MAN1A1: variants seen among roughly 807,000 people sequenced by gnomAD.
The protein encoded by MAN1A1 is mannosyl-oligosaccharide 1,2-alpha-mannosidase IA.
In MAN1A1, 29 loss-of-function variants were observed where a neutral mutation model predicts 70.8. That is an observed-to-expected ratio of 0.41 (90% CI 0.31 to 0.56). The LOEUF (loss-of-function observed/expected upper bound fraction) is 0.56, where lower values mean the gene tolerates loss of function less well. Among genes scored for constraint, MAN1A1 ranks in the 20% least tolerant of loss-of-function variants. The probability of loss-of-function intolerance (pLI) is 0.29; values close to 1 mark genes in which losing one functional copy is unlikely to be tolerated. For synonymous variants in MAN1A1, 349 were observed against 330.1 expected, an observed-to-expected ratio of 1.06 and a Z score of -0.62; for missense variants, 747 against 841.3, an observed-to-expected ratio of 0.89 and a Z score of 1.39.
intron 6 of MAN1A1, among the ~76,000 whole-genome samples, chr6:119,230,791 T>C (rs746965775): frequency 6.6e-6 from 1 of 152,152 alleles, no homozygotes; most frequent in Non-Finnish European, 1.5e-5. Flanking sequence ...CAAGTGAACA[T>C]ATTACTTTTT....
At chr6:119,221,375 A>G (rs561760149) in intron 6 of MAN1A1, among the ~76,000 whole-genome samples, 1 of 152,104 alleles carries the variant, frequency 6.6e-6, no homozygotes, top group African/African-American at 2.4e-5. Flanking sequence ...TATACTGACA[A>G]ATATGAATAG....
intron 4 of MAN1A1, among the ~76,000 whole-genome samples, chr6:119,291,088 A>G (rs1776529390): frequency 6.6e-6 from 1 of 152,040 alleles, no homozygotes; most frequent in Non-Finnish European, 1.5e-5. Flanking sequence ...TAGCTCACAT[A>G]ATTCACACAT....
At chr6:119,263,489 C>T (rs1173091466) in intron 5 of MAN1A1, among the ~76,000 whole-genome samples, 1 of 152,010 alleles carries the variant, frequency 6.6e-6, no homozygotes, top group Non-Finnish European at 1.5e-5. Context: ...CCACAGACAC[C>T]GGGGCCTTCT....
intron 2 of MAN1A1, chr6:119,327,238 C>G (rs1351813936): frequency 1.3e-5 from 2 of 152,172 alleles, no homozygotes; most frequent in Non-Finnish European, 2.9e-5. Context: ...TTCAGCTGAA[C>G]AGGACTCCAT....
At chr6:119,295,156 C>G (rs1772170819) in intron 4 of MAN1A1, among the ~76,000 whole-genome samples, 1 of 152,136 alleles carries the variant, frequency 6.6e-6, no homozygotes, top group African/African-American at 2.4e-5. Flanking sequence ...CAGGAAGTAT[C>G]TAACCCCATC....
At chr6:119,275,231 C>T (rs1289477408) in intron 5 of MAN1A1, among the ~76,000 whole-genome samples, 1 of 143,764 alleles carries the variant, frequency 7.0e-6, no homozygotes, top group African/African-American at 2.5e-5. Flanking sequence ...CTGCCTCAGC[C>T]TCCTGAGTAG....
chr6:119,187,035 C>T (rs1394826879), intron 11 of MAN1A1, among the ~76,000 whole-genome samples: 1 of 152,158 alleles, frequency 6.6e-6, no homozygotes, highest in Admixed American at 6.5e-5. Flanking sequence ...CATAAACAAG[C>T]AACCCCCTGA....
intron 6 of MAN1A1, among the ~76,000 whole-genome samples, chr6:119,244,141 C>T (rs186983683): frequency 8.3e-4 from 127 of 152,128 alleles, no homozygotes; most frequent in Admixed American, 1.4e-3. Flanking sequence ...TCTACCTAGA[C>T]TTGAATTACC....
rs1773851093 is a variant in MAN1A1, at chr6:119,349,718, G to C, written c.-399C>G. 2.0e-6 allele frequency: 2 copies of C among 985,670 alleles called. No homozygotes were observed. The highest frequency in any genetic ancestry group is 2.4e-6 in the Non-Finnish European group (2 of 830,086). The allele number at this position is 985,670 out of a possible 1,614,324, so 61.1% of individuals were successfully genotyped here. On this transcript the variant is annotated 5_prime_UTR_variant, in exon 1 of 13. Transcript: ENST00000368468. ...CGCCGACCTGCGGGCGAATGGCAGC[G>C]AGTAGAGCAGCACGGTACACTCCGC...
chr6:119,291,976 A>G (rs1270353636), intron 4 of MAN1A1, among the ~76,000 whole-genome samples: 7 of 152,036 alleles, frequency 4.6e-5, no homozygotes, highest in African/African-American at 1.7e-4. Context: ...GCTGAGACTT[A>G]TAGTGGTTAA....
chr6:119,305,226 T>C (rs558252765), intron 3 of MAN1A1, among the ~76,000 whole-genome samples: 2 of 152,330 alleles, frequency 1.3e-5, no homozygotes, highest in East Asian at 3.9e-4. Context: ...ATTTTTAATG[T>C]TCAATAACAA....
chr6:119,313,595 T>C (rs1032672914), intron 2 of MAN1A1, among the ~76,000 whole-genome samples: 2 of 151,214 alleles, frequency 1.3e-5, no homozygotes, highest in Non-Finnish European at 2.9e-5. Flanking sequence ...ATGAGAATTA[T>C]AAATGGGAAT....
At chr6:119,317,294 T>C (rs1403535390) in intron 2 of MAN1A1, among the ~76,000 whole-genome samples, 1 of 152,198 alleles carries the variant, frequency 6.6e-6, no homozygotes, top group African/African-American at 2.4e-5. Flanking sequence ...TAGTGTTGTA[T>C]ATTTCAATGG....
intron 5 of MAN1A1, among the ~76,000 whole-genome samples, chr6:119,256,421 T>TG (rs1275736566): frequency 6.6e-6 from 1 of 151,626 alleles, no homozygotes. Flanking sequence ...ATTATTTTTT[T>TG]TTTTTTCATG....
At position 119,316,285 on chromosome 6, in the gene MAN1A1, G is replaced by C. The variant is rs148768848; in HGVS notation, c.604-9293C>G. ...CTCCACCTCCCGCGTTCAAGCGATT[G>C]TCCTGCCTCAGCCTCCTGAGCAGCT... On this transcript the variant is annotated intron_variant, in intron 2 of 12. Transcript: ENST00000368468. Among the ~76,000 whole-genome samples, 882 of 144,192 alleles carry C rather than the reference G, an allele frequency of 6.1e-3. 30 individuals are homozygous for C. In the East Asian group the frequency reaches 0.096, roughly 16 times the overall value. The allele number at this position is 144,192 out of a possible 152,430, so 94.6% of individuals were successfully genotyped here. A position where few individuals can be genotyped will look rare whatever the true frequency, so the allele number is the denominator to read the frequency against.
At chr6:119,216,018 A>AG (rs972747399) in intron 6 of MAN1A1, among the ~76,000 whole-genome samples, 1 of 152,170 alleles carries the variant, frequency 6.6e-6, no homozygotes, top group African/African-American at 2.4e-5. Flanking sequence ...AAGTGTCCTA[A>AG]GTTAGGCATG....
chr6:119,228,189 T>C (rs918235008), intron 6 of MAN1A1, among the ~76,000 whole-genome samples: 1 of 152,204 alleles, frequency 6.6e-6, no homozygotes, highest in African/African-American at 2.4e-5. Context: ...AATTACTTAT[T>C]GATTGTTCAC....
chr6:119,236,895 A>G (rs1227697993), intron 6 of MAN1A1, among the ~76,000 whole-genome samples: 1 of 122,292 alleles, frequency 8.2e-6, no homozygotes, highest in Non-Finnish European at 1.9e-5. Context: ...TATGGGAGGA[A>G]GTAAAAAAAA....
At chr6:119,211,242 C>G (rs558641402) in intron 6 of MAN1A1, among the ~76,000 whole-genome samples, 1 of 152,320 alleles carries the variant, frequency 6.6e-6, no homozygotes, top group African/African-American at 2.4e-5. Flanking sequence ...GTCTTTCATT[C>G]TATGGGTCTG....
Sources: allele counts gnomAD v4.1 joint callset (sites outside exome capture counted in the v4.1 genomes callset), GRCh38; gene constraint gnomAD v4.1.1; transcripts MANE v1.5; gene names NCBI Gene and HGNC (gene_info 2026-07-23, HGNC 2026-07-21).